The following LRRC4C variants were observed in gnomAD, a reference collection of about 807,000 sequenced individuals.
The protein encoded by LRRC4C is leucine-rich repeat-containing protein 4C.
Under a neutral mutation model 33.6 loss-of-function variants are expected in LRRC4C, and 5 were observed. That is an observed-to-expected ratio of 0.15 (90% CI 0.08 to 0.31). The LOEUF (loss-of-function observed/expected upper bound fraction) is 0.31. LRRC4C is among the 10% of genes least tolerant of loss of function. LRRC4C has a pLI of 1.00. For missense variants in LRRC4C, 560 were observed against 796.7 expected (o/e 0.70, Z 3.58); for synonymous variants, 329 against 302.0 (o/e 1.09, Z -0.93).
intron 3 of LRRC4C, among the ~76,000 whole-genome samples, chr11:40,433,241 CATT>C (rs1162469969): frequency 6.6e-6 from 1 of 151,906 alleles, no homozygotes; most frequent in Admixed American, 6.6e-5. Flanking sequence ...TCTCTCTTGA[CATT>C]ACATTATTTT....
intron 1 of LRRC4C, among the ~76,000 whole-genome samples, chr11:41,064,055 G>A (rs1305760844): frequency 6.6e-6 from 1 of 152,174 alleles, no homozygotes; most frequent in Non-Finnish European, 1.5e-5. Context: ...ATACTCCATT[G>A]TATCTGGTTA....
intron 2 of LRRC4C, among the ~76,000 whole-genome samples, chr11:40,885,441 A>G (rs984391654): frequency 1.3e-5 from 2 of 152,092 alleles, no homozygotes; most frequent in Non-Finnish European, 2.9e-5. Context: ...ATAGCCATCC[A>G]TAGCATCAAA....
At chr11:40,716,359 T>C (rs1472332454) in intron 2 of LRRC4C, among the ~76,000 whole-genome samples, 2 of 152,086 alleles carry the variant, frequency 1.3e-5, no homozygotes, top group African/African-American at 4.8e-5. Context: ...ATAATAAATA[T>C]TTTTTAAAAA....
chr11:40,864,693 A>T (rs1954267642), intron 2 of LRRC4C, among the ~76,000 whole-genome samples: 1 of 152,208 alleles, frequency 6.6e-6, no homozygotes, highest in Non-Finnish European at 1.5e-5. Flanking sequence ...CATGGCTACC[A>T]CAGCTTCTTA....
chr11:41,017,871 A>G (rs1254243114), intron 1 of LRRC4C, among the ~76,000 whole-genome samples: 2 of 151,698 alleles, frequency 1.3e-5, no homozygotes, highest in African/African-American at 2.4e-5. Context: ...AACTTGCACA[A>G]GATCACTTAT....
intron 2 of LRRC4C, among the ~76,000 whole-genome samples, chr11:40,779,779 C>T (rs904958686): frequency 3.9e-5 from 6 of 152,252 alleles, no homozygotes; most frequent in East Asian, 1.9e-4. Flanking sequence ...TTATTTGGGG[C>T]GTTTACACAC....
chr11:41,396,797 A>G (rs1953835699), intron 1 of LRRC4C, among the ~76,000 whole-genome samples: 1 of 152,064 alleles, frequency 6.6e-6, no homozygotes. Flanking sequence ...AGATTTCATG[A>G]TGAAGACACC....
intron 3 of LRRC4C, among the ~76,000 whole-genome samples, chr11:40,500,271 G>GATATATATATATATAT (rs377169790): frequency 8.6e-5 from 9 of 105,018 alleles, no homozygotes; most frequent in Admixed American, 1.1e-4. Flanking sequence ...CCTAATGTCT[G>GATATATATATATATAT]ATATATATAT....
At chr11:40,882,596 T>TA (rs201635611) in intron 2 of LRRC4C, among the ~76,000 whole-genome samples, 1,604 of 152,188 alleles carry the variant, frequency 0.011, 16 homozygotes, top group Admixed American at 0.014. Context: ...TTTCTCTGCC[T>TA]AGTGATGTCC....
chr11:40,930,591 A>G (rs1438871173), intron 2 of LRRC4C, among the ~76,000 whole-genome samples: 1 of 152,138 alleles, frequency 6.6e-6, no homozygotes, highest in Non-Finnish European at 1.5e-5. Context: ...CAACTTACCA[A>G]ATTAGAGACT....
chr11:40,266,064 G>A (rs945165817), intron 4 of LRRC4C, among the ~76,000 whole-genome samples: 3 of 152,026 alleles, frequency 2.0e-5, no homozygotes, highest in East Asian at 1.9e-4. Context: ...TTGGGAGGCC[G>A]AGGCAGGCAG....
chr11:41,254,465 A>G (rs906007726), intron 1 of LRRC4C, among the ~76,000 whole-genome samples: 13 of 152,080 alleles, frequency 8.5e-5, no homozygotes. Flanking sequence ...CCAAACCTAA[A>G]TAAAATGGAC....
intron 4 of LRRC4C, among the ~76,000 whole-genome samples, chr11:40,250,266 T>C (rs1289763581): frequency 6.6e-6 from 1 of 152,184 alleles, no homozygotes; most frequent in Non-Finnish European, 1.5e-5. Context: ...CTGACCCTTG[T>C]AACTATGCAT....
chr11:41,120,312 A>T (rs1392649152), intron 1 of LRRC4C, among the ~76,000 whole-genome samples: 3 of 152,228 alleles, frequency 2.0e-5, no homozygotes, highest in Non-Finnish European at 4.4e-5. Flanking sequence ...ATATCTATTG[A>T]GTTCCAGGCA....
intron 4 of LRRC4C, among the ~76,000 whole-genome samples, chr11:40,257,755 C>A (rs1867333073): frequency 6.6e-6 from 1 of 152,084 alleles, no homozygotes; most frequent in Admixed American, 6.6e-5. Flanking sequence ...GGATATGATG[C>A]CTGCAATCGC....
intron 1 of LRRC4C, among the ~76,000 whole-genome samples, chr11:41,413,267 T>A (rs965373447): frequency 6.6e-6 from 1 of 152,184 alleles, no homozygotes; most frequent in African/African-American, 2.4e-5. Flanking sequence ...CATTTTAGGC[T>A]TAGATTCAAT....
At chr11:40,694,242 C>T (rs1945373957) in intron 2 of LRRC4C, among the ~76,000 whole-genome samples, 1 of 152,124 alleles carries the variant, frequency 6.6e-6, no homozygotes, top group Admixed American at 6.6e-5. Context: ...TTGCTTTACC[C>T]ATTAGGTCTG....
At chr11:40,788,844 G>A (rs1193237643) in intron 2 of LRRC4C, among the ~76,000 whole-genome samples, 1 of 152,060 alleles carries the variant, frequency 6.6e-6, no homozygotes, top group African/African-American at 2.4e-5. Flanking sequence ...CTTAATCCCA[G>A]CACTATGGGA....
At chr11:40,807,003 G>C (rs1245661721) in intron 2 of LRRC4C, among the ~76,000 whole-genome samples, 1 of 151,994 alleles carries the variant, frequency 6.6e-6, no homozygotes, top group Non-Finnish European at 1.5e-5. Context: ...TCATCAAAGA[G>C]AGCTACATTT....
Sources: gnomAD v4.1 joint callset for allele counts (sites outside exome capture counted in the v4.1 genomes callset) on GRCh38, gnomAD v4.1.1 for gene constraint, MANE v1.5 for transcripts, NCBI Gene and HGNC (gene_info 2026-07-23, HGNC 2026-07-21) for gene names.